PTN: variants seen among roughly 807,000 people sequenced by gnomAD.
PTN encodes heparin affin regulatory protein.
PTN carries 18 observed loss-of-function variants against 24.1 expected under a neutral mutation model. That is an observed-to-expected ratio of 0.75 (90% CI 0.52 to 1.11). PTN has a LOEUF of 1.11. Ranked by LOEUF, PTN falls within the 50% of genes least tolerant of loss-of-function variation. The probability of loss-of-function intolerance (pLI) is 0.00; values close to 1 mark genes in which losing one functional copy is unlikely to be tolerated. For synonymous variants in PTN, 78 were observed against 68.6 expected, an observed-to-expected ratio of 1.14 and a Z score of -0.67; for missense variants, 163 against 198.8, an observed-to-expected ratio of 0.82 and a Z score of 1.08.
At chr7:137,264,131 A>G (rs1281212157) in intron 1 of PTN, among the ~76,000 whole-genome samples, 2 of 152,172 alleles carry the variant, frequency 1.3e-5, no homozygotes, top group African/African-American at 4.8e-5. Context: ...CTGGGTCTGT[A>G]GGCTCTAATT....
chr7:137,241,956 C>A (rs1373959754), intron 4 of PTN, among the ~76,000 whole-genome samples: 1 of 152,148 alleles, frequency 6.6e-6, no homozygotes, highest in African/African-American at 2.4e-5. Flanking sequence ...CCTCTCTCAA[C>A]ACAGTTAAAA....
At chr7:137,290,140 A>C (rs1403111676) in intron 1 of PTN, among the ~76,000 whole-genome samples, 1 of 152,110 alleles carries the variant, frequency 6.6e-6, no homozygotes, top group Non-Finnish European at 1.5e-5. Context: ...CCTACAGGGA[A>C]ACTCCCCCTT....
chr7:137,254,943 G>A lies in PTN; in HGVS notation c.31C>T (p.Arg11Ter), dbSNP rs1206021971. Reference sequence around the variant, plus strand: ...GCCAAGAAGGCAGCTGCAAATTTTCGACGCTGCTGCTGGTACTGTTGAGCC... The same window carrying A: ...GCCAAGAAGGCAGCTGCAAATTTTCAACGCTGCTGCTGGTACTGTTGAGCC... The part of the protein sequence containing the change: MQAQQYQQQR[R>*]KFAAAFLAFI... Residue 11 changes from arginine to a stop codon, truncating the protein, a stop_gained, in exon 2 of 5, where the codon CGA becomes TGA. Coordinates refer to ENST00000348225, the MANE Select transcript of PTN (RefSeq NM_002825.7). LOFTEE classifies it high-confidence loss of function. 2 of 1,577,538 alleles carry A rather than the reference G, an allele frequency of 1.3e-6. No homozygotes were observed. Among genetic ancestry groups the A allele is most frequent in the African/African-American group, 1.3e-5 (1 of 74,590 alleles).
chr7:137,254,750 G>GA, intron 2 of PTN, 109 bp downstream of exon 2: 1 of 597,604 alleles, frequency 1.7e-6, no homozygotes, highest in South Asian at 5.3e-5. Context: ...AGGAATAGAG[G>GA]AATAGGAAGG....
At chr7:137,249,858 G>A (rs1585011965) in intron 4 of PTN, among the ~76,000 whole-genome samples, 1 of 152,056 alleles carries the variant, frequency 6.6e-6, no homozygotes, top group African/African-American at 2.4e-5. Flanking sequence ...CCACCTGCAG[G>A]TCCAGCCTGT....
At chr7:137,243,121 G>C (rs1007155292) in intron 4 of PTN, among the ~76,000 whole-genome samples, 1 of 152,122 alleles carries the variant, frequency 6.6e-6, no homozygotes, top group African/African-American at 2.4e-5. Context: ...ATTTTTATTA[G>C]AGATGGGGTT....
At chr7:137,332,529 A>G (rs936831212) in intron 1 of PTN, among the ~76,000 whole-genome samples, 1 of 152,212 alleles carries the variant, frequency 6.6e-6, no homozygotes, top group South Asian at 2.1e-4. Context: ...GTAAATAAGA[A>G]AAAATAATGG....
At chr7:137,246,261 T>C (rs533844123) in intron 4 of PTN, among the ~76,000 whole-genome samples, 1 of 152,196 alleles carries the variant, frequency 6.6e-6, no homozygotes, top group Non-Finnish European at 1.5e-5. Context: ...ATCATTGTGT[T>C]ACAATAACCT....
chr7:137,232,067 G>A lies in PTN; in HGVS notation c.452-3992C>T, dbSNP rs973009328. ...TAGGATTCCTACCCTGATGTGAACA[G>A]TAGGGCACTTTAGTTCACATTGAAC... is the stretch of plus-strand genomic sequence containing the variant. On this transcript the variant is annotated intron_variant, in intron 4 of 4. Transcript: ENST00000348225. Among the ~76,000 whole-genome samples the A allele has an allele frequency of 2.6e-5, 4 of 152,066 alleles. No homozygotes were observed. The East Asian group carries it at 5.8e-4, about 22-fold the overall frequency.
chr7:137,340,709 G>C (rs1810519975), intron 1 of PTN, among the ~76,000 whole-genome samples: 1 of 152,176 alleles, frequency 6.6e-6, no homozygotes, highest in Non-Finnish European at 1.5e-5. Context: ...CACCCTTATG[G>C]AGAAGCCCAA....
At chr7:137,253,089 T>G (rs1808856225) in intron 3 of PTN, among the ~76,000 whole-genome samples, 1 of 152,162 alleles carries the variant, frequency 6.6e-6, no homozygotes. Context: ...TTAACATTAT[T>G]CAGAGGAATC....
At chr7:137,341,662 CA>C (rs1167031195) in intron 1 of PTN, among the ~76,000 whole-genome samples, 2 of 152,086 alleles carry the variant, frequency 1.3e-5, no homozygotes, top group Non-Finnish European at 2.9e-5. Flanking sequence ...TGGAACACAG[CA>C]CCTAATGCTG....
intron 1 of PTN, among the ~76,000 whole-genome samples, chr7:137,278,306 C>CAAAAAAAAA (rs71176391): frequency 1.3e-3 from 84 of 62,842 alleles, no homozygotes; most frequent in South Asian, 3.4e-3. Flanking sequence ...GACTCCGTCT[C>CAAAAAAAAA]AAAAAAAAAA....
intron 4 of PTN, among the ~76,000 whole-genome samples, chr7:137,242,624 T>A (rs1464211876): frequency 6.6e-6 from 1 of 152,166 alleles, no homozygotes. Flanking sequence ...AGGTGAACAA[T>A]AACCCAAGAT....
intron 1 of PTN, among the ~76,000 whole-genome samples, chr7:137,324,433 A>AAAAAAAAAAAATAT: frequency 6.8e-5 from 6 of 88,804 alleles, no homozygotes; most frequent in African/African-American, 3.5e-4. Flanking sequence ...AAAAAAAAAA[A>AAAAAAAAAAAATAT]ATATATATAT....
In PTN at chr7:137,342,515, A is replaced by T. The variant is rs1810550553; in HGVS notation, c.-2+924T>A. ...TAACACTAGAGTGTATATAAACTGCATGTGTGTGTTCCTGTGTGTGTGTGT... is the reference window on the plus strand; with the variant it reads ...TAACACTAGAGTGTATATAAACTGCTTGTGTGTGTTCCTGTGTGTGTGTGT... On this transcript the variant is annotated intron_variant, in intron 1 of 4. Coordinates refer to ENST00000348225, the MANE Select transcript of PTN (RefSeq NM_002825.7). 5.2e-5 allele frequency among the ~76,000 whole-genome samples: 6 copies of T among 115,338 alleles called. No homozygotes were observed. The South Asian group carries it at 2.0e-3, about 39-fold the overall frequency. The allele number at this position is 115,338 out of a possible 152,430, so 75.7% of individuals were successfully genotyped here.
At chr7:137,313,540 G>A (rs557259487) in intron 1 of PTN, among the ~76,000 whole-genome samples, 36 of 152,214 alleles carry the variant, frequency 2.4e-4, no homozygotes, top group Admixed American at 1.6e-3. Flanking sequence ...CCCCTTAATC[G>A]ATCCCTCACT....
At chr7:137,325,163 G>T (rs911600942) in intron 1 of PTN, among the ~76,000 whole-genome samples, 8 of 152,208 alleles carry the variant, frequency 5.3e-5, no homozygotes, top group African/African-American at 1.7e-4. Flanking sequence ...AATATAATAT[G>T]CCCTGTGTTA....
chr7:137,308,713 A>G (rs1476680477), intron 1 of PTN, among the ~76,000 whole-genome samples: 1 of 152,062 alleles, frequency 6.6e-6, no homozygotes, highest in Non-Finnish European at 1.5e-5. Context: ...TCCAGTCTTC[A>G]CGTCTCCATC....
Sources: allele counts gnomAD v4.1 joint callset (sites outside exome capture counted in the v4.1 genomes callset), GRCh38; gene constraint gnomAD v4.1.1; transcripts MANE v1.5; gene names NCBI Gene and HGNC (gene_info 2026-07-23, HGNC 2026-07-21).